LCTL: variants seen among roughly 807,000 people sequenced by gnomAD.
LCTL encodes the protein lactase like.
Under a neutral mutation model 75.8 loss-of-function variants are expected in LCTL, and 76 were observed. That is an observed-to-expected ratio of 1.00 (90% CI 0.83 to 1.21). LCTL has a LOEUF of 1.21. Among genes scored for constraint, LCTL ranks in the 50% most tolerant of loss-of-function variants. LCTL has a pLI of 0.00. For missense variants in LCTL, 670 were observed against 712.4 expected, an observed-to-expected ratio of 0.94 and a Z score of 0.68; for synonymous variants, 271 against 268.8, an observed-to-expected ratio of 1.01 and a Z score of -0.08.
At chr15:66,561,264 A>C in exon 5 of LCTL, 1 of 1,614,216 alleles carries the variant, frequency 6.2e-7, no homozygotes, top group Non-Finnish European at 8.5e-7. Flanking sequence ...TAGTCTCTGA[A>C]GTAGTTGGCC....
intron 4 of LCTL, 34 bp from the exon 6 acceptor site, chr15:66,561,349 G>A (rs1413439372): frequency 6.2e-7 from 1 of 1,613,738 alleles, no homozygotes; most frequent in Non-Finnish European, 8.5e-7. Flanking sequence ...CCCCATGAAT[G>A]AACCGCAAAG....
chr15:66,560,909 G>C, intron 6 of LCTL, 97 bp downstream of exon 7: 1 of 1,025,078 alleles, frequency 9.8e-7, no homozygotes. Flanking sequence ...ATGCTGACTC[G>C]GAGGTGGAGC....
intron 2 of LCTL, chr15:66,564,443 G>A (rs927825863): frequency 1.9e-6 from 1 of 538,314 alleles, no homozygotes; most frequent in Non-Finnish European, 3.3e-6. Context: ...CTCAGGTGAG[G>A]CCCCACTTTC....
upstream of LCTL, chr15:66,565,571 G>T: frequency 1.8e-6 from 1 of 542,590 alleles, no homozygotes. Flanking sequence ...AGACTGATGG[G>T]CAAGACTCCA....
At position 66,562,384 on chromosome 15, in the gene LCTL, C is replaced by T. The variant is rs1001317896; in HGVS notation, c.481-1069G>A. 7.6e-5 allele frequency among the ~76,000 whole-genome samples: 11 copies of T among 144,458 alleles called. No individual in the cohort carries two copies. In the South Asian group the frequency reaches 8.6e-4, roughly 11 times the overall value. 94.8% of individuals were successfully genotyped at this position (144,458 alleles called of 152,430 possible). A position where few individuals can be genotyped will look rare whatever the true frequency, so the allele number is the denominator to read the frequency against. ...TGCCACTGCACTCCAGCCTGGACGA[C>T]GAAGCAGGACTCCATCTCAAAAAAA... is the stretch of plus-strand genomic sequence containing the variant. On this transcript the variant is annotated intron_variant, in intron 4 of 12. Coordinates refer to ENST00000341509, the Ensembl canonical transcript of LCTL.
chr15:66,557,844 G>A (rs200321390), exon 8 of LCTL: 17 of 1,614,102 alleles, frequency 1.1e-5, no homozygotes, highest in Non-Finnish European at 1.4e-5. Flanking sequence ...AATGTCCACA[G>A]GTTCCCCCCA....
Position 66,558,148 on chromosome 15 carries a change from C to T in LCTL, c.706-112G>A. 5.7e-6 allele frequency: 5 copies of T among 874,546 alleles called. No homozygotes were observed. The South Asian group carries it at 9.4e-5, about 16-fold the overall frequency. 54.2% of individuals were successfully genotyped at this position (874,546 alleles called of 1,614,324 possible). A position where few individuals can be genotyped will look rare whatever the true frequency, so the allele number is the denominator to read the frequency against. On this transcript the variant is annotated intron_variant, in intron 6 of 12. Coordinates refer to ENST00000341509, the Ensembl canonical transcript of LCTL. The stretch of plus-strand genomic sequence containing the variant: ...CTTTAGAGCTATTATTTTCATCAAT[C>T]CAGCCTTGTTTATCCCGATCCAGTC...
At chr15:66,555,782 G>A (rs1328738392) in intron 8 of LCTL, among the ~76,000 whole-genome samples, 1 of 152,190 alleles carries the variant, frequency 6.6e-6, no homozygotes, top group Non-Finnish European at 1.5e-5. Context: ...TATCATATAT[G>A]TGATAAAAAG....
intron 8 of LCTL, among the ~76,000 whole-genome samples, chr15:66,555,489 C>T (rs1315010275): frequency 2.0e-5 from 3 of 151,472 alleles, no homozygotes; most frequent in African/African-American, 7.3e-5. Flanking sequence ...TGCAGTGAGC[C>T]GAGATCGCAC....
chr15:66,565,085 T>C (rs1895989988), intron 1 of LCTL, among the ~76,000 whole-genome samples, 163 bp downstream of exon 2: 1 of 136,834 alleles, frequency 7.3e-6, no homozygotes, highest in Non-Finnish European at 1.6e-5. Flanking sequence ...TTTAGTAACT[T>C]CAAAAAAAAA....
upstream of LCTL, chr15:66,565,544 G>C: frequency 1.8e-6 from 1 of 564,638 alleles, no homozygotes; most frequent in Non-Finnish European, 3.1e-6. Context: ...TGCTGTTTCC[G>C]TGCCTGGGGA....
At chr15:66,565,134 A>G in intron 1 of LCTL, 114 bp downstream of exon 2, 4 of 779,866 alleles carry the variant, frequency 5.1e-6, no homozygotes, top group East Asian at 4.9e-5. Flanking sequence ...ACACAAAGGT[A>G]GGTTTCTCAT....
intron 11 of LCTL, among the ~76,000 whole-genome samples, chr15:66,550,832 A>G (rs866389608): frequency 6.6e-6 from 1 of 152,026 alleles, no homozygotes; most frequent in South Asian, 2.1e-4. Context: ...AGCAACAGAG[A>G]ATAGAGAGCT....
upstream of LCTL, chr15:66,565,724 C>T (rs1397033736): frequency 4.6e-6 from 1 of 218,542 alleles, no homozygotes; most frequent in Non-Finnish European, 8.8e-6. Flanking sequence ...ACCCACAGGG[C>T]CCTTTGGCTC....
At chr15:66,559,742 T>C (rs1895837231) in intron 6 of LCTL, among the ~76,000 whole-genome samples, 1 of 152,184 alleles carries the variant, frequency 6.6e-6, no homozygotes, top group Non-Finnish European at 1.5e-5. Context: ...TTCAGCTCAC[T>C]ACTTTTGATG....
exon 13 of LCTL, chr15:66,548,233 A>G (rs1436491932): frequency 1.1e-5 from 3 of 275,454 alleles, no homozygotes; most frequent in East Asian, 6.1e-5. Context: ...TAAATAATTC[A>G]TAATATACAT....
At chr15:66,565,801 C>G (rs143023059), upstream of LCTL, 2 of 164,280 alleles carry the variant, frequency 1.2e-5, no homozygotes, top group African/African-American at 4.8e-5. Flanking sequence ...GTCCTGCACA[C>G]GAGGGAGACC....
intron 11 of LCTL, 156 bp from the exon 13 acceptor site, chr15:66,550,260 A>T (rs1209480830): frequency 1.7e-6 from 1 of 582,582 alleles, no homozygotes; most frequent in East Asian, 2.9e-5. Flanking sequence ...ATTAGTTAAT[A>T]TTTACTGTAC....
intron 8 of LCTL, 77 bp downstream of exon 9, chr15:66,557,645 C>G (rs1895769389): frequency 4.1e-6 from 6 of 1,462,202 alleles, no homozygotes; most frequent in Non-Finnish European, 5.7e-6. Context: ...GCTCTTCATC[C>G]CCCTGCCTTT....
Sources: gnomAD v4.1 joint callset for allele counts (sites outside exome capture counted in the v4.1 genomes callset) on GRCh38, gnomAD v4.1.1 for gene constraint, MANE v1.5 for transcripts, NCBI Gene and HGNC (gene_info 2026-07-23, HGNC 2026-07-21) for gene names.